Variants in WDFY1 observed in about 807,000 individuals in gnomAD.
The protein encoded by WDFY1 is WD repeat and FYVE domain containing 1, also known as WD repeat and FYVE domain-containing protein 1.
Under a neutral mutation model 56.4 loss-of-function variants are expected in WDFY1, and 32 were observed. The ratio of observed to expected loss-of-function variants is 0.57; its 90% CI spans 0.43 to 0.76. The LOEUF (loss-of-function observed/expected upper bound fraction) is 0.76. WDFY1 is among the 30% of genes least tolerant of loss of function. The pLI is 0.00. For missense variants in WDFY1, 480 were observed against 545.7 expected (o/e 0.88, Z 1.20); for synonymous variants, 192 against 197.3 (o/e 0.97, Z 0.23).
intron 8 of WDFY1, among the ~76,000 whole-genome samples, chr2:223,885,641 T>G (rs1693160805): frequency 6.6e-6 from 1 of 152,182 alleles, no homozygotes; most frequent in Admixed American, 6.5e-5. Flanking sequence ...ATGCCAAAGA[T>G]GTTTGAACTC....
intron 6 of WDFY1, among the ~76,000 whole-genome samples, chr2:223,896,115 C>T (rs769641655): frequency 7.7e-6 from 1 of 129,524 alleles, no homozygotes; most frequent in Admixed American, 9.2e-5. Context: ...AAGATAGCAC[C>T]ACTGCGCTCC....
At chr2:223,912,131 C>T in intron 3 of WDFY1, 122 bp downstream of exon 3, 1 of 1,047,802 alleles carries the variant, frequency 9.5e-7, no homozygotes, top group Non-Finnish European at 1.4e-6. Flanking sequence ...AAACATTTTT[C>T]ATGCCAAACA....
chr2:223,923,503 T>G (rs1055672331), intron 1 of WDFY1, among the ~76,000 whole-genome samples: 1 of 152,182 alleles, frequency 6.6e-6, no homozygotes, highest in African/African-American at 2.4e-5. Flanking sequence ...ATTAATAAAC[T>G]GTAATCCCAG....
intron 8 of WDFY1, among the ~76,000 whole-genome samples, chr2:223,891,567 C>T (rs929962215): frequency 6.6e-6 from 1 of 152,058 alleles, no homozygotes; most frequent in African/African-American, 2.4e-5. Context: ...GTGAATTGTG[C>T]ACACAGGAAA....
chr2:223,893,923 T>C (rs760893921), intron 8 of WDFY1, among the ~76,000 whole-genome samples: 46 of 152,248 alleles, frequency 3.0e-4, no homozygotes, highest in Admixed American at 3.3e-4. Context: ...AGGACCTCTA[T>C]GCAGTCCAAA....
At chr2:223,906,386 T>C (rs1027927322) in intron 3 of WDFY1, among the ~76,000 whole-genome samples, 1 of 152,144 alleles carries the variant, frequency 6.6e-6, no homozygotes, top group Non-Finnish European at 1.5e-5. Flanking sequence ...AACAGAGCTC[T>C]CAGCTACAGT....
In WDFY1 at chr2:223,894,263, C is replaced by T. The variant is rs772118960; in HGVS notation, c.802G>A (p.Val268Met). The change falls in exon 8 of 12, where the codon GTG becomes ATG. Residue 268 changes from valine (V) to methionine (M), a missense_variant. Val to Met is a conservative substitution (Grantham distance 21). Transcript: ENST00000233055. Reference sequence around the variant, plus strand: ...TCTCTGCTAACATCCATGTTCCACACTGCAATTCCGCCGTCCGAGGAACAG... The same window carrying T: ...TCTCTGCTAACATCCATGTTCCACATTGCAATTCCGCCGTCCGAGGAACAG... ...VSCSSDGGIA[V>M]WNMDVSREEA... The T allele has an allele frequency of 6.2e-6, 10 of 1,614,084 alleles. No homozygotes were observed. The highest frequency in any genetic ancestry group is 4.0e-5 in the African/African-American group (3 of 74,948).
intron 2 of WDFY1, among the ~76,000 whole-genome samples, chr2:223,913,946 G>A (rs1693745795): frequency 1.3e-5 from 2 of 151,440 alleles, no homozygotes; most frequent in African/African-American, 4.9e-5. Context: ...TAGAAGGGGA[G>A]GGGTTGGATA....
At chr2:223,878,842 G>C in intron 11 of WDFY1, 112 bp from the exon 12 acceptor site, 1 of 1,316,230 alleles carries the variant, frequency 7.6e-7, no homozygotes, top group Non-Finnish European at 1.1e-6. Context: ...TCAAATTAAT[G>C]AATTTTCTCA....
chr2:223,893,727 C>A (rs1473547851), intron 8 of WDFY1, among the ~76,000 whole-genome samples: 1 of 152,154 alleles, frequency 6.6e-6, no homozygotes, highest in Non-Finnish European at 1.5e-5. Flanking sequence ...AATTAGGTCA[C>A]CTGAAAAGAA....
intron 3 of WDFY1, among the ~76,000 whole-genome samples, chr2:223,908,104 C>G (rs766885401): frequency 6.6e-6 from 1 of 152,164 alleles, no homozygotes; most frequent in East Asian, 1.9e-4. Context: ...AATCCTCCTG[C>G]CTAAGCCTCC....
At chr2:223,934,366 C>T (rs1240759526) in intron 1 of WDFY1, among the ~76,000 whole-genome samples, 1 of 152,080 alleles carries the variant, frequency 6.6e-6, no homozygotes, top group African/African-American at 2.4e-5. Flanking sequence ...GCTGGGATTA[C>T]AGGCGTGAGC....
intron 1 of WDFY1, among the ~76,000 whole-genome samples, chr2:223,942,228 T>G (rs1184029344): frequency 6.6e-6 from 1 of 152,172 alleles, no homozygotes; most frequent in Non-Finnish European, 1.5e-5. Flanking sequence ...GCTAACTTTT[T>G]TTTTTTTTTG....
At position 223,894,357 on chromosome 2, in the gene WDFY1, A is replaced by G; in HGVS notation, c.726-18T>C. 1 of 1,613,568 alleles carries G rather than the reference A, an allele frequency of 6.2e-7. No individual in the cohort carries two copies. The highest frequency in any genetic ancestry group is 8.5e-7 in the Non-Finnish European group (1 of 1,179,486). On this transcript the variant is annotated intron_variant, in intron 7 of 11. Transcript: ENST00000233055. ...CCTTGTCACTGCAAACAGCACACACAACAGTCACTTGTCTCCATGCGGAAA... is the reference window on the plus strand; with the variant it reads ...CCTTGTCACTGCAAACAGCACACACGACAGTCACTTGTCTCCATGCGGAAA...
At chr2:223,896,179 A>AAAAAAAAAG in intron 6 of WDFY1, among the ~76,000 whole-genome samples, 1 of 147,854 alleles carries the variant, frequency 6.8e-6, no homozygotes, top group Admixed American at 6.8e-5. Flanking sequence ...AAAAAAAAAA[A>AAAAAAAAAG]AAAACTGCTT....
At position 223,911,161 on chromosome 2, in the gene WDFY1, T is replaced by C. The variant is rs111763087; in HGVS notation, c.279+1092A>G. Among the ~76,000 whole-genome samples the C allele has an allele frequency of 4.8e-3, 726 of 152,320 alleles. 4 individuals are homozygous for C. The highest frequency in any genetic ancestry group is 0.016 in the African/African-American group (654 of 41,570). On this transcript the variant is annotated intron_variant, in intron 3 of 11. Coordinates refer to ENST00000233055, the MANE Select transcript of WDFY1 (RefSeq NM_020830.5). The stretch of plus-strand genomic sequence containing the variant: ...GACATAAAAGGCCACACATATTGTA[T>C]GAGTCTATTTATATAAAGTGTCTAA...
intron 1 of WDFY1, among the ~76,000 whole-genome samples, chr2:223,922,942 T>C (rs893234095): frequency 1.3e-5 from 2 of 152,340 alleles, no homozygotes; most frequent in East Asian, 1.9e-4. Flanking sequence ...AGCATATAGT[T>C]TGGTTGGCAC....
Position 223,900,439 on chromosome 2 carries a change from G to C in WDFY1, c.485+744C>G, listed in dbSNP as rs1693486944. On this transcript the variant is annotated intron_variant, in intron 5 of 11. Transcript: ENST00000233055. Reference sequence around the variant, plus strand: ...ACTCTGAGAGAGAAACTACTGCGGGGTGTCTGCCTGTTGTTGATAACCTTG... The same window carrying C: ...ACTCTGAGAGAGAAACTACTGCGGGCTGTCTGCCTGTTGTTGATAACCTTG... Among the ~76,000 whole-genome samples, 3 of 152,328 alleles carry C rather than the reference G, an allele frequency of 2.0e-5. No homozygotes were observed. The South Asian group carries it at 6.2e-4, about 32-fold the overall frequency.
chr2:223,899,395 C>CA (rs1218847791), intron 5 of WDFY1: 7 of 251,414 alleles, frequency 2.8e-5, no homozygotes, highest in Middle Eastern at 1.6e-3. Flanking sequence ...GTAGGGCAGA[C>CA]ACACACGAAA....
Sources: allele counts gnomAD v4.1 joint callset (sites outside exome capture counted in the v4.1 genomes callset), GRCh38; gene constraint gnomAD v4.1.1; transcripts MANE v1.5; gene names NCBI Gene and HGNC (gene_info 2026-07-23, HGNC 2026-07-21).